Variants in TNRC6B observed in about 807,000 individuals in gnomAD.
TNRC6B encodes the protein trinucleotide repeat-containing gene 6B protein.
TNRC6B carries 52 observed loss-of-function variants against 203.6 expected under a neutral mutation model. That is an observed-to-expected ratio of 0.26 (90% CI 0.20 to 0.32). The LOEUF (loss-of-function observed/expected upper bound fraction) is 0.32, where lower values mean the gene tolerates loss of function less well. Ranked by LOEUF, TNRC6B falls within the 10% of genes least tolerant of loss-of-function variation. The pLI, the probability that TNRC6B is intolerant of heterozygous loss-of-function variation, is 1.00. For synonymous variants in TNRC6B, 838 were observed against 845.7 expected (o/e 0.99, Z 0.16); for missense variants, 1,923 against 2,286.2 (o/e 0.84, Z 3.24).
rs1225126854 is a variant in TNRC6B at position 40,313,010 on chromosome 22, A to AT, written c.4678+19dup. The AT allele has an allele frequency of 1.2e-6, 2 of 1,607,682 alleles. No individual in the cohort carries two copies. Among genetic ancestry groups the AT allele is most frequent in the South Asian group, 1.1e-5 (1 of 90,338 alleles). On this transcript the variant is annotated intron_variant, in intron 19 of 22. Coordinates refer to ENST00000454349, the MANE Select transcript of TNRC6B (RefSeq NM_001162501.2). ...CATAGCACTTCAGGTATGAGTGTGA[A>AT]TTTTTTGTTTCCCTTTGGTTAGCAC...
intron 5 of TNRC6B, among the ~76,000 whole-genome samples, chr22:40,269,711 T>C (rs1188635946): frequency 2.0e-5 from 3 of 150,964 alleles, no homozygotes; most frequent in Non-Finnish European, 4.4e-5. Context: ...TGAAACCCTG[T>C]CTCTACTTAA....
intron 15 of TNRC6B, among the ~76,000 whole-genome samples, chr22:40,302,101 A>G (rs1205161057): frequency 6.6e-6 from 1 of 152,236 alleles, no homozygotes; most frequent in East Asian, 1.9e-4. Flanking sequence ...TCTGATTTAA[A>G]TAGAATTAGA....
At chr22:40,185,361 G>GTGC (rs1362360187) in intron 1 of TNRC6B, among the ~76,000 whole-genome samples, 2 of 152,262 alleles carry the variant, frequency 1.3e-5, no homozygotes, top group East Asian at 3.9e-4. Context: ...GCAGTGCAAG[G>GTGC]TGCTGTTCAG....
chr22:40,085,180 G>A (rs2068090871), intron 1 of TNRC6B, among the ~76,000 whole-genome samples: 1 of 152,160 alleles, frequency 6.6e-6, no homozygotes, highest in African/African-American at 2.4e-5. Flanking sequence ...AGATCTTCCA[G>A]CCTCAGACAA....
intron 1 of TNRC6B, among the ~76,000 whole-genome samples, chr22:40,204,307 C>T (rs1280043951): frequency 6.6e-6 from 1 of 152,176 alleles, no homozygotes; most frequent in South Asian, 2.1e-4. Flanking sequence ...AAATGTAAGC[C>T]TCTGGCATTT....
At chr22:40,224,557 T>A (rs1354575663) in intron 1 of TNRC6B, among the ~76,000 whole-genome samples, 1 of 152,236 alleles carries the variant, frequency 6.6e-6, no homozygotes, top group Non-Finnish European at 1.5e-5. Context: ...ATAATACTTG[T>A]TTTGAAGCAT....
chr22:40,050,632 T>A (rs969049537), intron 1 of TNRC6B, among the ~76,000 whole-genome samples: 2 of 152,104 alleles, frequency 1.3e-5, no homozygotes, highest in Non-Finnish European at 2.9e-5. Flanking sequence ...AGAGCTCCTG[T>A]TATTTTTTCA....
chr22:40,293,257 G>A (rs569453870), intron 12 of TNRC6B, among the ~76,000 whole-genome samples: 8 of 146,168 alleles, frequency 5.5e-5, no homozygotes, highest in Admixed American at 4.3e-4. Context: ...ATGCAGTGGC[G>A]TGATCGCAGC....
At chr22:40,302,521 T>C (rs897547446) in intron 15 of TNRC6B, among the ~76,000 whole-genome samples, 2 of 151,420 alleles carry the variant, frequency 1.3e-5, no homozygotes, top group Non-Finnish European at 2.9e-5. Flanking sequence ...TAATCCCAGC[T>C]ACTGGGGAGG....
chr22:40,264,697 T>C lies in TNRC6B; in HGVS notation c.467T>C (p.Leu156Pro). 4 of 1,591,390 alleles carry C rather than the reference T, an allele frequency of 2.5e-6. No individual in the cohort carries two copies. The highest frequency in any genetic ancestry group is 2.6e-6 in the Non-Finnish European group (3 of 1,167,982). ...SESGTAPDST[L>P]GGAAASNYAN... ...ATGATCTGTTCCCCAGACTCAACCC[T>C]TGGAGGTGCTGCTGCTTCAAATTAT... Residue 156 changes from leucine to proline, a missense_variant, in exon 5 of 23, where the codon CTT (leucine) becomes CCT (proline). Transcript: ENST00000454349.
chr22:40,264,422 C>G (rs1165034243), intron 4 of TNRC6B, among the ~76,000 whole-genome samples: 1 of 152,024 alleles, frequency 6.6e-6, no homozygotes, highest in Non-Finnish European at 1.5e-5. Context: ...TGCCTTGTCC[C>G]AAGATACAAG....
chr22:40,110,982 C>T (rs1440862463), intron 1 of TNRC6B, among the ~76,000 whole-genome samples: 4 of 152,152 alleles, frequency 2.6e-5, no homozygotes, highest in African/African-American at 7.2e-5. Context: ...GATAAGGAAG[C>T]CTTAGACCGG....
chr22:40,143,187 T>C (rs1214899716), intron 3 of TNRC6B, among the ~76,000 whole-genome samples: 2 of 152,154 alleles, frequency 1.3e-5, no homozygotes, highest in African/African-American at 4.8e-5. Context: ...CCCAGCATTT[T>C]GGGAGGCCGG....
chr22:40,126,121 T>TA (rs1415091422), intron 3 of TNRC6B, among the ~76,000 whole-genome samples: 12 of 152,362 alleles, frequency 7.9e-5, no homozygotes, highest in Admixed American at 3.3e-4. Context: ...TAAAGTTTGT[T>TA]ACGAAAGTTA....
chr22:40,164,046 A>G (rs1229606410), intron 4 of TNRC6B, among the ~76,000 whole-genome samples: 1 of 151,974 alleles, frequency 6.6e-6, no homozygotes, highest in Non-Finnish European at 1.5e-5. Flanking sequence ...TCTTCTACAC[A>G]CTCACTTTGA....
intron 4 of TNRC6B, among the ~76,000 whole-genome samples, chr22:40,159,990 T>A (rs1008998042): frequency 6.6e-6 from 1 of 151,776 alleles, no homozygotes; most frequent in African/African-American, 2.4e-5. Flanking sequence ...TAAAAAAAAT[T>A]TTTTTTGTAG....
At chr22:40,322,309 T>C (rs1410757191) in intron 22 of TNRC6B, among the ~76,000 whole-genome samples, 2 of 152,214 alleles carry the variant, frequency 1.3e-5, no homozygotes, top group Non-Finnish European at 2.9e-5. Context: ...TCCACTATTA[T>C]CAACATCCTC....
rs1422620894 is a variant in TNRC6B at position 40,239,994 on chromosome 22, C to G, written c.6-6021C>G. Among the ~76,000 whole-genome samples the G allele has an allele frequency of 2.0e-5, 3 of 151,988 alleles. No individual in the cohort carries two copies. The East Asian group carries it at 5.8e-4, about 29-fold the overall frequency. On this transcript the variant is annotated intron_variant, in intron 1 of 22. Coordinates refer to ENST00000454349, the MANE Select transcript of TNRC6B (RefSeq NM_001162501.2). ...CTGGGTAGCCCGCCACCATGCCCAG[C>G]TAATTTTTTTGTATTTTTAGTAGAG... is the stretch of plus-strand genomic sequence containing the variant.
At chr22:40,290,801 G>A (rs949688182) in intron 12 of TNRC6B, among the ~76,000 whole-genome samples, 9 of 152,124 alleles carry the variant, frequency 5.9e-5, no homozygotes, top group African/African-American at 2.2e-4. Context: ...TGTATTTTGA[G>A]CTCGGTGACT....
Sources: gnomAD v4.1 joint callset for allele counts (sites outside exome capture counted in the v4.1 genomes callset) on GRCh38, gnomAD v4.1.1 for gene constraint, MANE v1.5 for transcripts, NCBI Gene and HGNC (gene_info 2026-07-23, HGNC 2026-07-21) for gene names.